NYAP2: variants seen among roughly 807,000 people sequenced by gnomAD.
NYAP2 encodes the protein neuronal tyrosine-phosphorylated phosphoinositide-3-kinase adapter 2.
Under a neutral mutation model 50.4 loss-of-function variants are expected in NYAP2, and 23 were observed. The observed-to-expected ratio is 0.46, with a 90% confidence interval of 0.33 to 0.65. The LOEUF is 0.65. Among genes scored for constraint, NYAP2 ranks in the 30% least tolerant of loss-of-function variants. The pLI, the probability that NYAP2 is intolerant of heterozygous loss-of-function variation, is 0.02. For missense variants in NYAP2, 885 were observed against 861.0 expected (o/e 1.03, Z -0.35); for synonymous variants, 394 against 365.2 (o/e 1.08, Z -0.90).
chr2:225,660,560 C>G, the NYAP2 span, among the ~76,000 whole-genome samples: 1 of 148,014 alleles, frequency 6.8e-6, no homozygotes, highest in African/African-American at 2.5e-5. Context: ...ATCGATTTAA[C>G]TATTAAAACG....
At chr2:225,576,022 C>G (rs992076950) in intron 4 of NYAP2, among the ~76,000 whole-genome samples, 4 of 152,212 alleles carry the variant, frequency 2.6e-5, no homozygotes, top group African/African-American at 9.6e-5. Flanking sequence ...GAAATGAACA[C>G]TTCAAAGAAC....
At chr2:225,459,176 A>G (rs1689784789) in intron 3 of NYAP2, among the ~76,000 whole-genome samples, 1 of 152,244 alleles carries the variant, frequency 6.6e-6, no homozygotes, top group Non-Finnish European at 1.5e-5. Context: ...GATGGTAATG[A>G]TTTTAAATTA....
chr2:225,647,560 C>A (rs889829518), intron 6 of NYAP2, among the ~76,000 whole-genome samples: 3 of 151,938 alleles, frequency 2.0e-5, no homozygotes, highest in Non-Finnish European at 4.4e-5. Context: ...GGTAAGTAGG[C>A]GAGAGAGGCT....
At chr2:225,687,784 C>T in the NYAP2 span, among the ~76,000 whole-genome samples, 1 of 152,150 alleles carries the variant, frequency 6.6e-6, no homozygotes, top group Non-Finnish European at 1.5e-5. Flanking sequence ...TGATTCTTTA[C>T]TTGCATGTTG....
intron 6 of NYAP2, among the ~76,000 whole-genome samples, chr2:225,631,509 T>G (rs1693315547): frequency 1.3e-5 from 2 of 152,324 alleles, no homozygotes; most frequent in South Asian, 4.2e-4. Flanking sequence ...TGTATTCATA[T>G]TAGAAGAAAT....
At chr2:225,544,866 G>A (rs985463126) in intron 4 of NYAP2, among the ~76,000 whole-genome samples, 8 of 152,088 alleles carry the variant, frequency 5.3e-5, no homozygotes, top group African/African-American at 1.9e-4. Flanking sequence ...TGTAGGACAG[G>A]TCTGGTATTG....
intron 5 of NYAP2, among the ~76,000 whole-genome samples, chr2:225,599,198 G>C (rs1408467737): frequency 6.6e-6 from 1 of 152,204 alleles, no homozygotes; most frequent in Non-Finnish European, 1.5e-5. Context: ...GTGAGATGCT[G>C]TGTCAGCTGC....
chr2:225,439,964 G>T (rs1689444713), intron 3 of NYAP2, among the ~76,000 whole-genome samples: 1 of 152,182 alleles, frequency 6.6e-6, no homozygotes, highest in Non-Finnish European at 1.5e-5. Flanking sequence ...TGGCAGGAGA[G>T]AGAGTGAGTG....
At chr2:225,688,810 T>C in the NYAP2 span, among the ~76,000 whole-genome samples, 2 of 152,198 alleles carry the variant, frequency 1.3e-5, no homozygotes, top group Non-Finnish European at 2.9e-5. Flanking sequence ...TGGCACGATC[T>C]TGGCTCATTG....
At chr2:225,464,297 C>T (rs1689880798) in intron 3 of NYAP2, among the ~76,000 whole-genome samples, 1 of 152,158 alleles carries the variant, frequency 6.6e-6, no homozygotes, top group African/African-American at 2.4e-5. Context: ...ATTGCCTCTT[C>T]CTTATCCCTG....
At chr2:225,540,015 A>G (rs1691429599) in intron 4 of NYAP2, among the ~76,000 whole-genome samples, 1 of 152,192 alleles carries the variant, frequency 6.6e-6, no homozygotes. Flanking sequence ...GCTAAAACAT[A>G]ACAAGCATCA....
chr2:225,636,031 A>G (rs1008938057), intron 6 of NYAP2, among the ~76,000 whole-genome samples: 2 of 152,176 alleles, frequency 1.3e-5, no homozygotes, highest in South Asian at 2.1e-4. Context: ...TTCAACGTAT[A>G]CTTTGTGTTG....
chr2:225,532,938 A>G (rs1258757871), intron 4 of NYAP2, among the ~76,000 whole-genome samples: 2 of 152,184 alleles, frequency 1.3e-5, no homozygotes, highest in African/African-American at 4.8e-5. Context: ...GCACGATACT[A>G]TGCTAGGCAA....
At chr2:225,643,490 A>G (rs1182816983) in intron 6 of NYAP2, among the ~76,000 whole-genome samples, 1 of 151,932 alleles carries the variant, frequency 6.6e-6, no homozygotes, top group Non-Finnish European at 1.5e-5. Context: ...CATGTGCACA[A>G]TGTGCAGGTT....
chr2:225,560,614 A>G (rs1277269782), intron 4 of NYAP2, among the ~76,000 whole-genome samples: 1 of 152,110 alleles, frequency 6.6e-6, no homozygotes, highest in Admixed American at 6.6e-5. Flanking sequence ...TATTGCATTT[A>G]TATCCAGATG....
intron 3 of NYAP2, among the ~76,000 whole-genome samples, chr2:225,487,362 T>G (rs1690319986): frequency 6.6e-6 from 1 of 152,068 alleles, no homozygotes. Context: ...CTTTCTTCTT[T>G]TCTTTTTTTT....
At chr2:225,587,048 C>T (rs949490654) in intron 5 of NYAP2, among the ~76,000 whole-genome samples, 2 of 152,126 alleles carry the variant, frequency 1.3e-5, no homozygotes, top group African/African-American at 2.4e-5. Flanking sequence ...GGAAGATTGT[C>T]TTATAAAACA....
At chr2:225,583,071 A>G (rs1692327628) in intron 5 of NYAP2, 36 bp downstream of exon 5, 4 of 1,588,056 alleles carry the variant, frequency 2.5e-6, no homozygotes, top group Non-Finnish European at 3.4e-6. Context: ...CCCAGAGCCC[A>G]GTGCCAGGCT....
chr2:225,448,416 T>C (rs1689597288), intron 3 of NYAP2, among the ~76,000 whole-genome samples: 1 of 152,186 alleles, frequency 6.6e-6, no homozygotes, highest in Non-Finnish European at 1.5e-5. Flanking sequence ...TGGGGAAGGA[T>C]GCTAGATTAT....
Sources: gnomAD v4.1 joint callset for allele counts (sites outside exome capture counted in the v4.1 genomes callset) on GRCh38, gnomAD v4.1.1 for gene constraint, MANE v1.5 for transcripts, NCBI Gene and HGNC (gene_info 2026-07-23, HGNC 2026-07-21) for gene names.